The following NEMP2 variants were observed in gnomAD, a reference collection of about 807,000 sequenced individuals.
NEMP2 encodes UPF0571 transmembrane protein.
A neutral mutation model predicts 54.2 loss-of-function variants in NEMP2; 53 were observed. The ratio of observed to expected loss-of-function variants is 0.98; its 90% CI spans 0.78 to 1.23. The LOEUF (loss-of-function observed/expected upper bound fraction) is 1.23. NEMP2 is among the 50% of genes most tolerant of loss of function. NEMP2 has a pLI of 0.00. For missense variants in NEMP2, 455 were observed against 511.3 expected (o/e 0.89, Z 1.06); for synonymous variants, 197 against 190.3 (o/e 1.04, Z -0.29).
chr2:190,439,374 A>AT, the NEMP2 span, among the ~76,000 whole-genome samples: 1 of 151,570 alleles, frequency 6.6e-6, no homozygotes, highest in African/African-American at 2.4e-5. This position sits in a 1 kb window ranked among gnomAD's most constrained non-coding sequence, Gnocchi z 5.8. Flanking sequence ...TTATTTGTTT[A>AT]TTTTTTTATT....
chr2:190,443,671 T>G, the NEMP2 span, among the ~76,000 whole-genome samples: 2 of 152,230 alleles, frequency 1.3e-5, no homozygotes, highest in Non-Finnish European at 2.9e-5. This position sits in a 1 kb window ranked among gnomAD's most constrained non-coding sequence, Gnocchi z 4.2. Context: ...GATTTTCAAA[T>G]GAAATGGAGT....
At chr2:190,625,902 A>G in the NEMP2 span, 2 of 152,184 alleles carry the variant, frequency 1.3e-5, no homozygotes, top group Non-Finnish European at 2.9e-5. Context: ...TAGAGACCCA[A>G]ATATGTCTCT....
chr2:190,585,264 A>G, the NEMP2 span, among the ~76,000 whole-genome samples: 1 of 152,228 alleles, frequency 6.6e-6, no homozygotes, highest in African/African-American at 2.4e-5. This position sits in a 1 kb window ranked among gnomAD's most constrained non-coding sequence, Gnocchi z 5.3. Context: ...AATGAGTTCC[A>G]TATGTTTACT....
chr2:190,618,171 G>T, the NEMP2 span, among the ~76,000 whole-genome samples: 3 of 152,170 alleles, frequency 2.0e-5, no homozygotes, highest in Non-Finnish European at 1.5e-5. Flanking sequence ...ACTCATCAAG[G>T]CCTTAGCAAA....
intron 5 of NEMP2, 25 bp from the exon 6 acceptor site, chr2:190,516,409 C>A (rs781754923): frequency 1.3e-6 from 2 of 1,510,554 alleles, no homozygotes; most frequent in Non-Finnish European, 1.8e-6. Context: ...AAATAAATGA[C>A]ACATTTTTTG....
chr2:190,482,868 C>CTTTTTTTTTTTTTTTT, the NEMP2 span, among the ~76,000 whole-genome samples: 2 of 48,292 alleles, frequency 4.1e-5, no homozygotes, highest in East Asian at 7.0e-4. Flanking sequence ...AGACTATCAT[C>CTTTTTTTTTTTTTTTT]TTTTTTTTTT....
chr2:190,434,215 T>C, the NEMP2 span, among the ~76,000 whole-genome samples: 1 of 149,028 alleles, frequency 6.7e-6, no homozygotes, highest in Non-Finnish European at 1.5e-5. The surrounding 1 kb of genome is among the most constrained non-coding windows in gnomAD (Gnocchi z 4.3). Context: ...GAAAAGAAGG[T>C]GAAAGGAATT....
At chr2:190,541,971 C>G in the NEMP2 span, among the ~76,000 whole-genome samples, 9 of 151,674 alleles carry the variant, frequency 5.9e-5, no homozygotes, top group Admixed American at 5.9e-4. This position sits in a 1 kb window ranked among gnomAD's most constrained non-coding sequence, Gnocchi z 5.2. Context: ...AATTGGAGCT[C>G]CTTCATATGT....
the NEMP2 span, among the ~76,000 whole-genome samples, chr2:190,605,338 C>T: frequency 6.0e-5 from 9 of 150,986 alleles, no homozygotes; most frequent in East Asian, 3.9e-4. Flanking sequence ...CAATCTACCA[C>T]GTCTTTTTTT....
At position 190,523,357 on chromosome 2, in the gene NEMP2, T is replaced by C. The variant is rs1690818247; in HGVS notation, c.213+1906A>G. On this transcript the variant is annotated intron_variant, in intron 2 of 8. Coordinates refer to ENST00000409150, the MANE Select transcript of NEMP2 (RefSeq NM_001142645.2). The surrounding 1 kb of genome is among the most constrained non-coding windows in gnomAD (Gnocchi z 5.3). ...CAATTCTGTAACTACTTTTAGTGTATTCTGGGATTAGGCAAATAAATAAAT... is the reference window on the plus strand; with the variant it reads ...CAATTCTGTAACTACTTTTAGTGTACTCTGGGATTAGGCAAATAAATAAAT... Among the ~76,000 whole-genome samples the C allele has an allele frequency of 1.3e-5, 2 of 152,216 alleles. No individual in the cohort carries two copies. Among genetic ancestry groups the C allele is most frequent in the Admixed American group, 1.3e-4 (2 of 15,280 alleles).
rs973692873 is a variant in NEMP2 at position 190,520,145 on chromosome 2, G to T, written c.214-962C>A. On this transcript the variant is annotated intron_variant, in intron 2 of 8. Transcript: ENST00000409150. This position sits in a 1 kb window ranked among gnomAD's most constrained non-coding sequence, Gnocchi z 5.4. ...AACCCACAGTCACATTATCTCTGAA[G>T]TATGCCTGTAATCAGTGGCAAACTA... Among the ~76,000 whole-genome samples, 3 of 152,154 alleles carry T rather than the reference G, an allele frequency of 2.0e-5. No individual in the cohort carries two copies. The highest frequency in any genetic ancestry group is 4.4e-5 in the Non-Finnish European group (3 of 68,038).
chr2:190,465,662 G>T, the NEMP2 span, among the ~76,000 whole-genome samples: 6 of 152,022 alleles, frequency 3.9e-5, no homozygotes, highest in Non-Finnish European at 5.9e-5. This position sits in a 1 kb window ranked among gnomAD's most constrained non-coding sequence, Gnocchi z 4.6. Flanking sequence ...ATTTGCTTGG[G>T]TTACCACAAA....
At chr2:190,602,438 G>A in the NEMP2 span, among the ~76,000 whole-genome samples, 8 of 152,138 alleles carry the variant, frequency 5.3e-5, no homozygotes, top group Non-Finnish European at 8.8e-5. Context: ...ACATTATGGC[G>A]GGTACCCAAC....
chr2:190,423,427 C>A, the NEMP2 span, among the ~76,000 whole-genome samples: 4 of 152,176 alleles, frequency 2.6e-5, no homozygotes, highest in African/African-American at 9.6e-5. This position sits in a 1 kb window ranked among gnomAD's most constrained non-coding sequence, Gnocchi z 4.3. Context: ...CTATAATTAT[C>A]TGGAAATTTA....
chr2:190,458,021 G>C, the NEMP2 span, among the ~76,000 whole-genome samples: 2 of 152,174 alleles, frequency 1.3e-5, no homozygotes, highest in African/African-American at 4.8e-5. This position sits in a 1 kb window ranked among gnomAD's most constrained non-coding sequence, Gnocchi z 5.3. Context: ...TAAGGATACA[G>C]CCTCACTCTG....
At chr2:190,516,412 A>AT in intron 5 of NEMP2, 28 bp from the exon 6 acceptor site, 4 of 1,505,390 alleles carry the variant, frequency 2.7e-6, no homozygotes, top group Non-Finnish European at 3.6e-6. Flanking sequence ...TAAATGACAC[A>AT]TTTTTTGGTT....
the NEMP2 span, among the ~76,000 whole-genome samples, chr2:190,565,703 C>T: frequency 9.1e-3 from 1,393 of 152,280 alleles, 15 homozygotes; most frequent in South Asian, 0.071. Flanking sequence ...TGCATCTCCC[C>T]AAAATTCATA....
In NEMP2 at chr2:190,506,267, A is replaced by G. The variant is rs1690184852; in HGVS notation, c.*2922T>C. Reference sequence around the variant, plus strand: ...AGGCAGCTTGCTCCTGTTGTCACCTAAAAGTACCTCTCTGTCTTCCTGCAG... The same window carrying G: ...AGGCAGCTTGCTCCTGTTGTCACCTGAAAGTACCTCTCTGTCTTCCTGCAG... On this transcript the variant is annotated 3_prime_UTR_variant, in exon 9 of 9. Coordinates refer to ENST00000409150, the MANE Select transcript of NEMP2 (RefSeq NM_001142645.2). The surrounding 1 kb of genome is among the most constrained non-coding windows in gnomAD (Gnocchi z 6.3). 1 of 152,246 alleles carries G rather than the reference A, an allele frequency of 6.6e-6. No homozygotes were observed. The allele number at this position is 152,246 out of a possible 1,614,324, so 9.4% of individuals were successfully genotyped here.
chr2:190,618,485 C>T, the NEMP2 span, among the ~76,000 whole-genome samples: 1 of 152,084 alleles, frequency 6.6e-6, no homozygotes, highest in Non-Finnish European at 1.5e-5. Flanking sequence ...TCTGCTTCTC[C>T]CATCCCTCCT....
Sources: allele counts gnomAD v4.1 joint callset (sites outside exome capture counted in the v4.1 genomes callset), GRCh38; gene constraint gnomAD v4.1.1; non-coding constraint Gnocchi (gnomAD v3.1); transcripts MANE v1.5; gene names NCBI Gene and HGNC (gene_info 2026-07-23, HGNC 2026-07-21).